Variants in PAK3 observed in about 807,000 individuals in gnomAD.
PAK3 encodes p21 (RAC1) activated kinase 3.
A neutral mutation model predicts 41.0 loss-of-function variants in PAK3; 4 were observed. The observed-to-expected ratio is 0.10, with a 90% CI of 0.05 to 0.22. The LOEUF (loss-of-function observed/expected upper bound fraction) is 0.22, where lower values mean the gene tolerates loss of function less well. Among genes scored for constraint, PAK3 ranks in the 10% least tolerant of loss-of-function variants. PAK3 has a pLI of 1.00. For synonymous variants in PAK3, 146 were observed against 139.6 expected (o/e 1.05, Z -0.32); for missense variants, 205 against 409.9 (o/e 0.50, Z 4.32).
intron 11 of PAK3, among the ~76,000 whole-genome samples, chrX:111,185,148 T>C (rs1004042287): frequency 8.9e-6 from 1 of 112,313 alleles, no homozygotes; most frequent in East Asian, 2.8e-4. Context: ...TCTTGACCAG[T>C]GATGATGAGC....
rs1569440808 is a variant in PAK3 at position 111,173,031 on chromosome X, T to C, written c.780T>C (p.Ser260=). 8.8e-7 allele frequency: 1 copy of C among 1,133,754 alleles called. No individual in the cohort carries two copies. The allele number at this position is 1,133,754 out of a possible 1,213,427, so 93.4% of individuals were successfully genotyped here. ...EILEKLRSIV[S]VGDPKKKYTR... is the part of the protein sequence containing the mutation. Reference sequence around the variant, plus strand: ...CCCATCTCTTAGGAAGCATTGTGAGTGTTGGGGACCCAAAGAAAAAATACA... The same window carrying C: ...CCCATCTCTTAGGAAGCATTGTGAGCGTTGGGGACCCAAAGAAAAAATACA... The change falls in exon 11 of 18, where the codon AGT becomes AGC. Residue 260 remains serine (S), a synonymous_variant. Transcript: ENST00000372007.
chrX:110,955,685 T>C (rs751176118), intron 1 of PAK3, among the ~76,000 whole-genome samples: 5 of 111,913 alleles, frequency 4.5e-5, no homozygotes, highest in Non-Finnish European at 9.4e-5. Context: ...TACGGTCTTG[T>C]AAGGCCTCAA....
At chrX:110,958,132 G>T (rs772491712) in intron 1 of PAK3, among the ~76,000 whole-genome samples, 1 of 111,716 alleles carries the variant, frequency 9.0e-6, no homozygotes, top group Non-Finnish European at 1.9e-5. Flanking sequence ...CATGCAGAGA[G>T]AGCAAATTGT....
At chrX:110,960,073 T>C (rs900648287) in intron 1 of PAK3, among the ~76,000 whole-genome samples, 2 of 111,896 alleles carry the variant, frequency 1.8e-5, no homozygotes, top group Non-Finnish European at 3.8e-5. Context: ...AAGTCCTGCT[T>C]TTCTCCTGGA....
At chrX:111,015,651 T>C (rs1382621369) in intron 1 of PAK3, among the ~76,000 whole-genome samples, 4 of 111,369 alleles carry the variant, frequency 3.6e-5, no homozygotes, top group Middle Eastern at 4.2e-3. Context: ...TCCTATTGGG[T>C]GTAAGGTGAT....
intron 1 of PAK3, among the ~76,000 whole-genome samples, chrX:110,984,491 C>A (rs1264582843): frequency 1.8e-5 from 2 of 111,670 alleles, no homozygotes; most frequent in African/African-American, 6.5e-5. Flanking sequence ...CTTCCAGCTG[C>A]CTCAGCTGGA....
chrX:110,964,577 G>A (rs542329725), intron 1 of PAK3, among the ~76,000 whole-genome samples: 1 of 112,336 alleles, frequency 8.9e-6, no homozygotes, highest in African/African-American at 3.2e-5. Context: ...TGTTCACATT[G>A]CAGTCTCTGT....
At chrX:110,977,484 T>C (rs766258736) in intron 1 of PAK3, among the ~76,000 whole-genome samples, 1 of 111,375 alleles carries the variant, frequency 9.0e-6, no homozygotes, top group South Asian at 3.7e-4. Context: ...TATAGATCAA[T>C]TTGGAGAGTT....
At chrX:111,151,431 G>A (rs1205537906) in intron 7 of PAK3, among the ~76,000 whole-genome samples, 6 of 111,838 alleles carry the variant, frequency 5.4e-5, no homozygotes, top group Non-Finnish European at 1.1e-4. Context: ...CCTCATCATA[G>A]GTTTTCTGAA....
chrX:111,226,035 G>C lies in PAK3; in HGVS notation c.*5588G>C, dbSNP rs2094951225. ...CTACTAAAAATACAAAATTAGCCGG[G>C]TGTGGTGGCGGGCGCCTGTAATCCC... On this transcript the variant is annotated 3_prime_UTR_variant, in exon 18 of 18. Transcript: ENST00000372007. 1 of 110,584 alleles carries C rather than the reference G, an allele frequency of 9.0e-6. No homozygotes were observed. Among genetic ancestry groups the C allele is most frequent in the South Asian group, 3.9e-4 (1 of 2,543 alleles). The allele number at this position is 110,584 out of a possible 1,213,427, so 9.1% of individuals were successfully genotyped here.
intron 1 of PAK3, among the ~76,000 whole-genome samples, chrX:111,037,054 C>G (rs1386543779): frequency 9.0e-6 from 1 of 111,321 alleles, no homozygotes; most frequent in Non-Finnish European, 1.9e-5. Flanking sequence ...AAGTGATTCT[C>G]CCGTCCCAGC....
intron 1 of PAK3, among the ~76,000 whole-genome samples, chrX:111,069,348 C>A (rs1353826354): frequency 1.8e-5 from 2 of 111,446 alleles, no homozygotes; most frequent in Non-Finnish European, 3.8e-5. Flanking sequence ...ATTCAAAGTC[C>A]TGTCCTGGAG....
chrX:111,034,017 C>T (rs969723793), intron 1 of PAK3, among the ~76,000 whole-genome samples: 4 of 112,051 alleles, frequency 3.6e-5, no homozygotes, highest in African/African-American at 1.3e-4. Flanking sequence ...CAGTTTCAAA[C>T]TCTTGTCTCC....
At chrX:111,131,610 A>G (rs963925475) in intron 5 of PAK3, among the ~76,000 whole-genome samples, 4 of 111,606 alleles carry the variant, frequency 3.6e-5, no homozygotes, top group African/African-American at 1.3e-4. Flanking sequence ...ACCAAAAAAA[A>G]TTTTAGGTGT....
intron 1 of PAK3, among the ~76,000 whole-genome samples, chrX:110,996,886 G>A (rs1481891267): frequency 2.7e-5 from 3 of 111,855 alleles, no homozygotes; most frequent in African/African-American, 6.5e-5. Flanking sequence ...AAGACATATA[G>A]TATGTTAGAG....
At chrX:111,138,591 C>T (rs7057241) in intron 5 of PAK3, among the ~76,000 whole-genome samples, 2,573 of 110,469 alleles carry the variant, frequency 0.023, 31 homozygotes, top group Non-Finnish European at 0.035. Context: ...GGAGTGATCC[C>T]CATAAATTTG....
At chrX:111,092,866 AT>A (rs1156608470), upstream of PAK3, among the ~76,000 whole-genome samples, 4 of 111,619 alleles carry the variant, frequency 3.6e-5, no homozygotes, top group African/African-American at 1.3e-4. Flanking sequence ...TCATAATCAG[AT>A]TCCTTGAGTT....
intron 1 of PAK3, among the ~76,000 whole-genome samples, chrX:111,028,007 A>ATATATATACATATATATGTG (rs2092295686): frequency 6.8e-4 from 5 of 7,312 alleles, no homozygotes; most frequent in Non-Finnish European, 3.5e-3. Context: ...GTGTGTGTGT[A>ATATATATACATATATATGTG]TATATATATA....
rs2093016568 is a variant in PAK3 at position 111,097,111 on chromosome X, G to A, written c.-352-279G>A. On this transcript the variant is annotated intron_variant, in intron 1 of 17. Transcript: ENST00000372007. ...CTGGATTGGCCCTCTCTTTGTCTGG[G>A]GAGCAGTGTCATTGGGTCCACTGCC... Among the ~76,000 whole-genome samples the A allele has an allele frequency of 2.8e-5, 3 of 108,996 alleles. No individual in the cohort carries two copies. In the South Asian group the frequency reaches 1.3e-3, roughly 46 times the overall value. 94.6% of individuals were successfully genotyped at this position (108,996 alleles called of 115,157 possible). A position where few individuals can be genotyped will look rare whatever the true frequency, so the allele number is the denominator to read the frequency against.
Sources: gnomAD v4.1 joint callset for allele counts (sites outside exome capture counted in the v4.1 genomes callset) on GRCh38, gnomAD v4.1.1 for gene constraint, MANE v1.5 for transcripts, NCBI Gene and HGNC (gene_info 2026-07-23, HGNC 2026-07-21) for gene names.